The following CTNNB1 variants were observed in gnomAD, a reference collection of about 807,000 sequenced individuals.
CTNNB1 encodes catenin beta-1.
A neutral mutation model predicts 82.5 loss-of-function variants in CTNNB1; 6 were observed. That is an observed-to-expected ratio of 0.07 (90% CI 0.04 to 0.14). The LOEUF (loss-of-function observed/expected upper bound fraction) is 0.14. Among genes scored for constraint, CTNNB1 ranks in the 10% least tolerant of loss-of-function variants. The pLI is 1.00. For missense variants in CTNNB1, 529 were observed against 980.4 expected, an observed-to-expected ratio of 0.54 and a Z score of 6.15; for synonymous variants, 312 against 329.7, an observed-to-expected ratio of 0.95 and a Z score of 0.58.
At chr3:41,210,912 C>T (rs1281052114) in intron 1 of CTNNB1, 2 of 403,790 alleles carry the variant, frequency 5.0e-6, no homozygotes, top group Non-Finnish European at 1.0e-5. Context: ...ACCTCAGCCT[C>T]CCAAGTAGCT....
rs1411144383 is a variant in CTNNB1 at position 41,239,182 on chromosome 3, T to C, written c.2186T>C (p.Leu729Ser). 2.5e-6 allele frequency: 4 copies of C among 1,614,190 alleles called. No homozygotes were observed. Residue 729 changes from leucine (L) to serine (S), a missense_variant, in exon 15 of 15, where the codon TTG becomes TCG. Leu to Ser is a moderately radical substitution (Grantham distance 145, BLOSUM62 -2). This residue lies in a region of CTNNB1 where 102 missense variants were observed against 130.8 expected (regional missense o/e 0.78). Coordinates refer to ENST00000349496, the MANE Select transcript of CTNNB1 (RefSeq NM_001904.4). ...FHSGGYGQDA[L>S]GMDPMMEHEM... The stretch of plus-strand genomic sequence containing the variant: ...TCTGGTGGATATGGCCAGGATGCCT[T>C]GGGTATGGACCCCATGATGGAACAT...
At chr3:41,208,670 C>T (rs1055643184) in intron 1 of CTNNB1, among the ~76,000 whole-genome samples, 1 of 152,182 alleles carries the variant, frequency 6.6e-6, no homozygotes, top group Non-Finnish European at 1.5e-5. Context: ...TGGCTTCATG[C>T]CCAGTGATCT....
intron 1 of CTNNB1, among the ~76,000 whole-genome samples, chr3:41,212,850 A>G (rs1189332778): frequency 6.6e-6 from 1 of 152,200 alleles, no homozygotes; most frequent in Non-Finnish European, 1.5e-5. Flanking sequence ...AGTTCATCAC[A>G]TCAACAGCGC....
In CTNNB1 at chr3:41,225,971, G is replaced by A; in HGVS notation, c.936+110G>A. 1 of 993,670 alleles carries A rather than the reference G, an allele frequency of 1.0e-6. No homozygotes were observed. The highest frequency in any genetic ancestry group is 1.6e-6 in the Non-Finnish European group (1 of 644,538). The allele number at this position is 993,670 out of a possible 1,614,324, so 61.6% of individuals were successfully genotyped here. On this transcript the variant is annotated intron_variant, in intron 6 of 14. Transcript: ENST00000349496. This position sits in a 1 kb window ranked among gnomAD's most constrained non-coding sequence, Gnocchi z 5.3. ...TTTGGCACCAGGGACCAGTTTCGTGGAAAACAGTTTTTCCATGAATGGGTT... is the reference window on the plus strand; with the variant it reads ...TTTGGCACCAGGGACCAGTTTCGTGAAAAACAGTTTTTCCATGAATGGGTT...
intron 1 of CTNNB1, 95 bp from the exon 2 acceptor site, chr3:41,223,926 G>T: frequency 3.4e-6 from 3 of 888,012 alleles, no homozygotes; most frequent in South Asian, 1.5e-5. Flanking sequence ...TTTTTTTGTG[G>T]GTGTAATAGT....
At chr3:41,239,004 CGTT>C in intron 14 of CTNNB1, 127 bp from the exon 15 acceptor site, 1 of 791,442 alleles carries the variant, frequency 1.3e-6, no homozygotes, top group Non-Finnish European at 2.2e-6. Context: ...GGCTAGAAAG[CGTT>C]GTTTTCTGAC....
At chr3:41,213,434 T>C (rs1054619885) in intron 1 of CTNNB1, among the ~76,000 whole-genome samples, 3 of 152,242 alleles carry the variant, frequency 2.0e-5, no homozygotes. Context: ...AGTTACATAC[T>C]TTTTTGTAAT....
intron 1 of CTNNB1, chr3:41,211,004 G>A: frequency 2.2e-6 from 1 of 456,140 alleles, no homozygotes; most frequent in Non-Finnish European, 4.4e-6. Flanking sequence ...TGTTGCCAGG[G>A]CTGGCCTTGA....
chr3:41,203,183 C>T lies in CTNNB1; in HGVS notation c.-49+3513C>T, dbSNP rs367733631. Among the ~76,000 whole-genome samples, 25 of 151,314 alleles carry T rather than the reference C, an allele frequency of 1.7e-4. No individual in the cohort carries two copies. In the East Asian group the frequency reaches 2.5e-3, roughly 15 times the overall value. ...ATGCTTGGGTCATGTTGAGTGCCCT[C>T]CAGTGGATATAGTATAATGCTTGTG... On this transcript the variant is annotated intron_variant, in intron 1 of 14. Transcript: ENST00000349496.
rs762041266 is a variant in CTNNB1, at chr3:41,238,088, A to G, written c.2137+12A>G. 1 of 1,609,470 alleles carries G rather than the reference A, an allele frequency of 6.2e-7. No homozygotes were observed. Among genetic ancestry groups the G allele is most frequent in the African/African-American group, 1.3e-5 (1 of 74,832 alleles). On this transcript the variant is annotated intron_variant, in intron 14 of 14. Transcript: ENST00000349496. ...ATATCGCCAGGATGGTATGTGTCTCATATTTCTCGATTAACTCCAGATCAA... is the reference window on the plus strand; with the variant it reads ...ATATCGCCAGGATGGTATGTGTCTCGTATTTCTCGATTAACTCCAGATCAA...
chr3:41,211,933 G>A (rs904711919), intron 1 of CTNNB1, among the ~76,000 whole-genome samples: 4 of 152,122 alleles, frequency 2.6e-5, no homozygotes, highest in East Asian at 1.9e-4. Context: ...ACAATAAATC[G>A]TGTAACTTTT....
intron 6 of CTNNB1, 145 bp from the exon 7 acceptor site, chr3:41,227,063 G>GA (rs2078192163): frequency 1.4e-6 from 1 of 692,368 alleles, no homozygotes; most frequent in African/African-American, 1.8e-5. Context: ...ATGGGGGTCT[G>GA]AGTGATGGGG....
At chr3:41,201,086 T>C (rs1293080332) in intron 1 of CTNNB1, among the ~76,000 whole-genome samples, 1 of 152,346 alleles carries the variant, frequency 6.6e-6, no homozygotes, top group East Asian at 1.9e-4. Flanking sequence ...GATCGCTAAG[T>C]TGTAGTTTGT....
At chr3:41,227,385 A>G (rs760256150) in intron 7 of CTNNB1, 33 bp downstream of exon 7, 2 of 1,609,968 alleles carry the variant, frequency 1.2e-6, no homozygotes, top group Non-Finnish European at 1.7e-6. Context: ...AGTCTTGTGT[A>G]TAGCATCTGC....
chr3:41,237,833 G>GA (rs961921403), intron 13 of CTNNB1, 183 bp from the exon 14 acceptor site: 569 of 582,342 alleles, frequency 9.8e-4, no homozygotes, highest in Middle Eastern at 1.9e-3. Context: ...GGTGCAAAGA[G>GA]AAAAAAAAAT....
intron 1 of CTNNB1, among the ~76,000 whole-genome samples, chr3:41,206,848 C>G (rs1349130209): frequency 6.6e-6 from 1 of 152,154 alleles, no homozygotes; most frequent in African/African-American, 2.4e-5. Context: ...CCCTTAAATT[C>G]CTTTCTGAGC....
At chr3:41,207,011 C>T (rs191488446) in intron 1 of CTNNB1, among the ~76,000 whole-genome samples, 20 of 152,276 alleles carry the variant, frequency 1.3e-4, no homozygotes, top group African/African-American at 4.8e-4. Context: ...TGGCATTTTG[C>T]TGAATTTTAT....
chr3:41,202,659 C>G (rs2077559170), intron 1 of CTNNB1, among the ~76,000 whole-genome samples: 1 of 152,110 alleles, frequency 6.6e-6, no homozygotes, highest in Non-Finnish European at 1.5e-5. Flanking sequence ...CCTTCTCTAA[C>G]AGACTATTTA....
intron 1 of CTNNB1, 33 bp from the exon 2 acceptor site, chr3:41,223,988 A>T: frequency 6.9e-7 from 1 of 1,445,862 alleles, no homozygotes; most frequent in Non-Finnish European, 9.7e-7. Flanking sequence ...AGCTAAATTT[A>T]AATCCTAATG....
Sources: gnomAD v4.1 joint callset for allele counts (sites outside exome capture counted in the v4.1 genomes callset) on GRCh38, gnomAD v4.1.1 for gene constraint, gnomAD v4.1.1 regional missense constraint, Gnocchi (gnomAD v3.1) non-coding constraint, MANE v1.5 for transcripts, NCBI Gene and HGNC (gene_info 2026-07-23, HGNC 2026-07-21) for gene names.